The following PUM2 variants were observed in gnomAD, a reference collection of about 807,000 sequenced individuals.
The protein encoded by PUM2 is pumilio RNA binding family member 2.
PUM2 carries 57 observed loss-of-function variants against 124.5 expected under a neutral mutation model. The observed-to-expected ratio is 0.46, with a 90% CI of 0.37 to 0.57. The LOEUF (loss-of-function observed/expected upper bound fraction) is 0.57, where lower values mean the gene tolerates loss of function less well. PUM2 is among the 20% of genes least tolerant of loss of function. The pLI is 0.00. For synonymous variants in PUM2, 460 were observed against 446.1 expected (o/e 1.03, Z -0.39); for missense variants, 1,065 against 1,290.6 (o/e 0.83, Z 2.68).
chr2:20,283,053 T>C lies in PUM2; in HGVS notation c.1614A>G (p.Leu538=). Residue 538 remains leucine (L), a synonymous_variant, in exon 12 of 21, where the codon TTA becomes TTG. Coordinates refer to ENST00000361078, the MANE Select transcript of PUM2 (RefSeq NM_015317.5). ...CAGGTTGACCAGGTCCATGAGAAAA[T>C]AAAGAACTACTCTGGGAGCTATTAG... The part of the protein sequence containing the change: ...SLTNSSQSSS[L]FSHGPGQPGS... 6.2e-7 allele frequency: 1 copy of C among 1,613,996 alleles called. No individual in the cohort carries two copies.
intron 2 of PUM2, among the ~76,000 whole-genome samples, chr2:20,320,019 G>C (rs1681921854): frequency 6.6e-6 from 1 of 152,222 alleles, no homozygotes; most frequent in African/African-American, 2.4e-5. Flanking sequence ...TGTAATCCCA[G>C]CACTTTGGGA....
chr2:20,331,113 C>G (rs1461738109), intron 1 of PUM2, among the ~76,000 whole-genome samples: 1 of 147,870 alleles, frequency 6.8e-6, no homozygotes, highest in African/African-American at 2.5e-5. Context: ...TGGTTTGGTT[C>G]AGACAACTTG....
intron 9 of PUM2, among the ~76,000 whole-genome samples, chr2:20,292,084 G>T (rs1674264654): frequency 6.7e-6 from 1 of 149,958 alleles, no homozygotes; most frequent in East Asian, 2.0e-4. Flanking sequence ...TCCTTGATAA[G>T]CCCAGGAGGA....
At chr2:20,258,149 C>G in intron 16 of PUM2, 94 bp downstream of exon 16, 2 of 1,190,302 alleles carry the variant, frequency 1.7e-6, no homozygotes, top group Non-Finnish European at 2.3e-6. Context: ...ATATTTAAGT[C>G]TTTTCACTTC....
At position 20,345,089 on chromosome 2, in the gene PUM2, C is replaced by CTTTTT. The variant is rs768667526; in HGVS notation, c.-19+5503_-19+5507dup. On this transcript the variant is annotated intron_variant, in intron 1 of 20. Transcript: ENST00000361078. ...CTACATGTGTCCACAGCACTTTTTT[C>CTTTTT]TTTTTTTTTTTTTTGCGGCGGGGCC... Among the ~76,000 whole-genome samples, 3 of 129,398 alleles carry CTTTTT rather than the reference C, an allele frequency of 2.3e-5. No individual in the cohort carries two copies. In the Admixed American group the frequency reaches 2.4e-4, roughly 10 times the overall value. The allele number at this position is 129,398 out of a possible 152,430, so 84.9% of individuals were successfully genotyped here.
chr2:20,323,447 CAA>C (rs1158061957), intron 2 of PUM2, among the ~76,000 whole-genome samples: 23 of 84,802 alleles, frequency 2.7e-4, no homozygotes, highest in Admixed American at 3.9e-4. Context: ...GACTCCATCT[CAA>C]AAAAAAAAAA....
At chr2:20,274,957 C>CAAGAAAAAAAAA (rs1669864545) in intron 13 of PUM2, among the ~76,000 whole-genome samples, 1 of 31,428 alleles carries the variant, frequency 3.2e-5, no homozygotes, top group Non-Finnish European at 6.0e-5. Context: ...GAAGTATCTC[C>CAAGAAAAAAAAA]AAAAAAAAAA....
At chr2:20,319,434 A>ACT (rs1296576894) in intron 2 of PUM2, among the ~76,000 whole-genome samples, 1 of 152,160 alleles carries the variant, frequency 6.6e-6, no homozygotes, top group East Asian at 1.9e-4. Flanking sequence ...AGACACCATC[A>ACT]CTCTCAACTC....
At chr2:20,317,574 TGGGG>T (rs781185648) in intron 3 of PUM2, among the ~76,000 whole-genome samples, 1 of 152,048 alleles carries the variant, frequency 6.6e-6, no homozygotes, top group African/African-American at 2.4e-5. Flanking sequence ...TATTCTAGAT[TGGGG>T]GGGTACATGT....
chr2:20,333,862 T>C (rs1437180117), intron 1 of PUM2, among the ~76,000 whole-genome samples: 4 of 152,020 alleles, frequency 2.6e-5, no homozygotes, highest in Admixed American at 2.0e-4. Flanking sequence ...CATGAATGGA[T>C]TATTGCCATC....
At chr2:20,300,000 G>C (rs11096656) in intron 7 of PUM2, among the ~76,000 whole-genome samples, 126,547 of 152,142 alleles carry the variant, frequency 0.83, 53,029 homozygotes, top group East Asian at 0.94. Context: ...TTTTATCATA[G>C]AGATGAATCC....
chr2:20,306,098 G>T (rs527886823), intron 7 of PUM2, among the ~76,000 whole-genome samples: 1 of 152,136 alleles, frequency 6.6e-6, no homozygotes, highest in Non-Finnish European at 1.5e-5. Flanking sequence ...CCAGCTACTC[G>T]GGAGGCTGCG....
At chr2:20,266,894 T>C (rs1404311476) in intron 13 of PUM2, among the ~76,000 whole-genome samples, 1 of 152,188 alleles carries the variant, frequency 6.6e-6, no homozygotes, top group African/African-American at 2.4e-5. Context: ...TGGAATAAAG[T>C]TGGCTGCTTT....
intron 7 of PUM2, among the ~76,000 whole-genome samples, chr2:20,303,071 A>T (rs1187800891): frequency 2.0e-5 from 3 of 152,092 alleles, no homozygotes; most frequent in Non-Finnish European, 2.9e-5. Context: ...CCATCCCCTA[A>T]GGCCTTTCTA....
chr2:20,248,989 T>G lies in PUM2; in HGVS notation c.*2596A>C, dbSNP rs1234083086. ...TGCCAACTTACTAAAAGGTAAAAATTGGGGTGGGCACCCAAAATGGCAGAC... is the reference window on the plus strand; with the variant it reads ...TGCCAACTTACTAAAAGGTAAAAATGGGGGTGGGCACCCAAAATGGCAGAC... On this transcript the variant is annotated 3_prime_UTR_variant, in exon 21 of 21. Transcript: ENST00000361078. 1 of 152,226 alleles carries G rather than the reference T, an allele frequency of 6.6e-6. No homozygotes were observed. Among genetic ancestry groups the G allele is most frequent in the Non-Finnish European group, 1.5e-5 (1 of 68,040 alleles). 9.4% of individuals were successfully genotyped at this position (152,226 alleles called of 1,614,324 possible).
At position 20,268,970 on chromosome 2, in the gene PUM2, T is replaced by C. The variant is rs147123164; in HGVS notation, c.1958-5510A>G. On this transcript the variant is annotated intron_variant, in intron 13 of 20. Transcript: ENST00000361078. ...AGCCTATGAGGCAGACATATCTCCA[T>C]TTTACTTGTGAGACAACAGCTTAGA... 3.9e-3 allele frequency among the ~76,000 whole-genome samples: 590 copies of C among 152,224 alleles called. 6 individuals carry two copies. The highest frequency in any genetic ancestry group is 0.014 in the African/African-American group (570 of 41,526).
At chr2:20,317,707 A>C (rs1681327264) in intron 3 of PUM2, among the ~76,000 whole-genome samples, 1 of 151,458 alleles carries the variant, frequency 6.6e-6, no homozygotes, top group African/African-American at 2.4e-5. Context: ...CCCTCCTCCC[A>C]CCCTCTACCC....
At chr2:20,305,463 G>GAA (rs67834545) in intron 7 of PUM2, among the ~76,000 whole-genome samples, 864 of 46,120 alleles carry the variant, frequency 0.019, 58 homozygotes, top group East Asian at 0.071. Flanking sequence ...CCCTGTCTTC[G>GAA]AAAAAAAAAA....
intron 13 of PUM2, among the ~76,000 whole-genome samples, chr2:20,272,001 A>C (rs1572636811): frequency 6.6e-6 from 1 of 152,162 alleles, no homozygotes; most frequent in South Asian, 2.1e-4. Context: ...TCTACTAAAA[A>C]TACAGAAATT....
Sources: gnomAD v4.1 joint callset for allele counts (sites outside exome capture counted in the v4.1 genomes callset) on GRCh38, gnomAD v4.1.1 for gene constraint, MANE v1.5 for transcripts, NCBI Gene and HGNC (gene_info 2026-07-23, HGNC 2026-07-21) for gene names.